Variants in FNDC3B observed in about 807,000 individuals in gnomAD.
FNDC3B encodes fibronectin type III domain containing 3B.
In FNDC3B, 12 loss-of-function variants were observed where a neutral mutation model predicts 151.5. The ratio of observed to expected loss-of-function variants is 0.08; its 90% CI spans 0.05 to 0.13. The LOEUF is 0.13. FNDC3B is among the 10% of genes least tolerant of loss of function. The pLI is 1.00. For missense variants in FNDC3B, 1,214 were observed against 1,505.3 expected, an observed-to-expected ratio of 0.81 and a Z score of 3.20; for synonymous variants, 528 against 549.0, an observed-to-expected ratio of 0.96 and a Z score of 0.54.
At chr3:172,245,184 G>C (rs1243509338) in intron 4 of FNDC3B, among the ~76,000 whole-genome samples, 1 of 151,970 alleles carries the variant, frequency 6.6e-6, no homozygotes, top group Non-Finnish European at 1.5e-5. Context: ...AAACCACTTT[G>C]TTAACAGGTC....
At chr3:172,149,768 C>T (rs957075447) in intron 3 of FNDC3B, among the ~76,000 whole-genome samples, 7 of 128,892 alleles carry the variant, frequency 5.4e-5, no homozygotes, top group African/African-American at 2.1e-4. Context: ...ATAATTGCTA[C>T]TTTAAAAAAG....
At chr3:172,376,584 G>C (rs1298169912) in intron 23 of FNDC3B, among the ~76,000 whole-genome samples, 1 of 152,178 alleles carries the variant, frequency 6.6e-6, no homozygotes, top group African/African-American at 2.4e-5. Context: ...GTTTGGCTCT[G>C]GCATTAGCAA....
At chr3:172,238,019 A>C (rs1209475863) in intron 4 of FNDC3B, among the ~76,000 whole-genome samples, 1 of 152,220 alleles carries the variant, frequency 6.6e-6, no homozygotes, top group Non-Finnish European at 1.5e-5. Flanking sequence ...GCAAATATCA[A>C]ATATTATTTC....
chr3:172,230,723 T>C (rs759551095), intron 4 of FNDC3B, among the ~76,000 whole-genome samples: 1 of 152,186 alleles, frequency 6.6e-6, no homozygotes, highest in Non-Finnish European at 1.5e-5. Flanking sequence ...GAAAAGATGC[T>C]CAATATCATT....
At chr3:172,072,154 G>C (rs1017111704) in intron 1 of FNDC3B, among the ~76,000 whole-genome samples, 6 of 147,132 alleles carry the variant, frequency 4.1e-5, no homozygotes, top group Admixed American at 3.4e-4. Flanking sequence ...TCTAGTATGC[G>C]TATGCCCATT....
At chr3:172,042,430 A>G (rs975205209) in intron 1 of FNDC3B, among the ~76,000 whole-genome samples, 1 of 152,228 alleles carries the variant, frequency 6.6e-6, no homozygotes, top group Non-Finnish European at 1.5e-5. Flanking sequence ...AGAAGAACTT[A>G]CCACACTTGT....
At chr3:172,238,898 G>C (rs371433111) in intron 4 of FNDC3B, among the ~76,000 whole-genome samples, 197 of 152,230 alleles carry the variant, frequency 1.3e-3, no homozygotes, top group African/African-American at 4.1e-3. Flanking sequence ...AAAATAAGAA[G>C]ATCAGGAATG....
At chr3:172,221,792 C>T (rs1726290140) in intron 3 of FNDC3B, among the ~76,000 whole-genome samples, 1 of 152,112 alleles carries the variant, frequency 6.6e-6, no homozygotes, top group African/African-American at 2.4e-5. Flanking sequence ...CATCATTAGA[C>T]ATTTATGAGA....
At chr3:172,307,567 T>G in intron 10 of FNDC3B, 66 bp downstream of exon 10, 1 of 1,540,194 alleles carries the variant, frequency 6.5e-7, no homozygotes. Flanking sequence ...TGGCAACGTG[T>G]TCCTAGTCCC....
chr3:172,341,362 A>G (rs761303988), intron 17 of FNDC3B, 131 bp downstream of exon 17: 92 of 736,024 alleles, frequency 1.2e-4, no homozygotes, highest in Non-Finnish European at 2.1e-4. Flanking sequence ...ATGTCAGGAA[A>G]TGAAAAATAG....
At chr3:172,375,071 T>C (rs1359599120) in intron 23 of FNDC3B, among the ~76,000 whole-genome samples, 2 of 152,242 alleles carry the variant, frequency 1.3e-5, no homozygotes, top group East Asian at 3.9e-4. Context: ...CAGTTCTCTT[T>C]CTATTCTTAC....
chr3:172,314,877 G>C (rs1731701351), intron 11 of FNDC3B, among the ~76,000 whole-genome samples: 1 of 152,172 alleles, frequency 6.6e-6, no homozygotes, highest in African/African-American at 2.4e-5. Context: ...GGGGAAATCT[G>C]ATCCACCATC....
chr3:172,177,783 C>A (rs1446758404), intron 3 of FNDC3B, among the ~76,000 whole-genome samples: 2 of 151,824 alleles, frequency 1.3e-5, no homozygotes, highest in African/African-American at 4.8e-5. Context: ...GTTTGCTGCA[C>A]CTTAACCCAT....
intron 3 of FNDC3B, among the ~76,000 whole-genome samples, chr3:172,167,932 C>A (rs1166307450): frequency 6.6e-6 from 1 of 152,208 alleles, no homozygotes; most frequent in Non-Finnish European, 1.5e-5. Context: ...CAAAACCTGT[C>A]CTTGGTGCCA....
At chr3:172,123,934 A>G (rs1035923942) in intron 2 of FNDC3B, among the ~76,000 whole-genome samples, 5 of 152,174 alleles carry the variant, frequency 3.3e-5, no homozygotes, top group African/African-American at 7.2e-5. Flanking sequence ...CAGGGAATCA[A>G]TTGATGGTGG....
chr3:172,344,081 C>T lies in FNDC3B; in HGVS notation c.2078-5C>T. On this transcript the variant is annotated splice_polypyrimidine_tract_variant and splice_region_variant and intron_variant, in intron 18 of 25. Transcript: ENST00000415807. ...TCTAAGATGAAAAAAATTCTTCATT[C>T]CCAGATGTTCCTGCATCGGAAAGTG... 2 of 1,605,732 alleles carry T rather than the reference C, an allele frequency of 1.2e-6. No individual in the cohort carries two copies. The highest frequency in any genetic ancestry group is 1.7e-6 in the Non-Finnish European group (2 of 1,175,728).
At chr3:172,127,655 A>G (rs1720866052) in intron 2 of FNDC3B, among the ~76,000 whole-genome samples, 1 of 152,132 alleles carries the variant, frequency 6.6e-6, no homozygotes, top group Non-Finnish European at 1.5e-5. Flanking sequence ...CTTTTTTTTA[A>G]ACAAAGAACA....
chr3:172,169,883 C>G (rs1052308498), intron 3 of FNDC3B, among the ~76,000 whole-genome samples: 3 of 152,134 alleles, frequency 2.0e-5, no homozygotes, highest in African/African-American at 7.2e-5. Flanking sequence ...GAAGGAAATT[C>G]ATTGCTTGAT....
At chr3:172,384,021 T>A (rs1311862199) in intron 25 of FNDC3B, among the ~76,000 whole-genome samples, 1 of 152,164 alleles carries the variant, frequency 6.6e-6, no homozygotes, top group Admixed American at 6.5e-5. Flanking sequence ...AAAAAAAACT[T>A]TGTTCAGTTC....
Sources: gnomAD v4.1 joint callset for allele counts (sites outside exome capture counted in the v4.1 genomes callset) on GRCh38, gnomAD v4.1.1 for gene constraint, MANE v1.5 for transcripts, NCBI Gene and HGNC (gene_info 2026-07-23, HGNC 2026-07-21) for gene names.